ENOX1: variants seen among roughly 807,000 people sequenced by gnomAD.
The protein encoded by ENOX1 is ecto-NOX disulfide-thiol exchanger 1.
ENOX1 carries 42 observed loss-of-function variants against 82.5 expected under a neutral mutation model. That is an observed-to-expected ratio of 0.51 (90% CI 0.40 to 0.66). The LOEUF (loss-of-function observed/expected upper bound fraction) is 0.66. Among genes scored for constraint, ENOX1 ranks in the 30% least tolerant of loss-of-function variants. The pLI is 0.00. For missense variants in ENOX1, 608 were observed against 811.6 expected, an observed-to-expected ratio of 0.75 and a Z score of 3.05; for synonymous variants, 271 against 282.2, an observed-to-expected ratio of 0.96 and a Z score of 0.40.
intron 5 of ENOX1, among the ~76,000 whole-genome samples, chr13:43,403,512 T>C (rs2053614533): frequency 6.6e-6 from 1 of 152,210 alleles, no homozygotes; most frequent in Admixed American, 6.5e-5. Flanking sequence ...CAAATCTTTT[T>C]TGGAAACAGA....
intron 2 of ENOX1, among the ~76,000 whole-genome samples, chr13:43,652,517 C>T (rs555032917): frequency 1.5e-4 from 23 of 152,160 alleles, no homozygotes; most frequent in South Asian, 4.1e-4. Flanking sequence ...TTTCACAAGA[C>T]GAAATAACTT....
chr13:43,480,058 C>T (rs1482466215), intron 3 of ENOX1, among the ~76,000 whole-genome samples: 1 of 151,814 alleles, frequency 6.6e-6, no homozygotes, highest in Non-Finnish European at 1.5e-5. Flanking sequence ...GCCATAGCCT[C>T]CTGAAGTAGC....
At position 43,424,722 on chromosome 13, in the gene ENOX1, A is replaced by G. The variant is rs547173491; in HGVS notation, c.-74-11734T>C. On this transcript the variant is annotated intron_variant, in intron 3 of 16. Coordinates refer to ENST00000690772, the MANE Select transcript of ENOX1 (RefSeq NM_001347969.2). ...TTTATCTTTCTCTAAATGACCACCC[A>G]TAGCCCTTGCTCATGCTCTGTAACC... Among the ~76,000 whole-genome samples the G allele has an allele frequency of 2.6e-5, 4 of 152,284 alleles. No homozygotes were observed. In the South Asian group the frequency reaches 8.3e-4, roughly 32 times the overall value.
chr13:43,337,738 T>C (rs1280704223), intron 9 of ENOX1, among the ~76,000 whole-genome samples: 1 of 151,936 alleles, frequency 6.6e-6, no homozygotes, highest in African/African-American at 2.4e-5. Context: ...ATTTTCATTT[T>C]ACACACACAC....
chr13:43,635,186 A>ACAGAC (rs1457735218), intron 2 of ENOX1, among the ~76,000 whole-genome samples: 1 of 152,184 alleles, frequency 6.6e-6, no homozygotes, highest in Non-Finnish European at 1.5e-5. Context: ...ATAAAAGAGA[A>ACAGAC]CAGACTCCAA....
intron 2 of ENOX1, among the ~76,000 whole-genome samples, chr13:43,664,759 C>T (rs766084430): frequency 3.9e-5 from 6 of 152,128 alleles, no homozygotes; most frequent in Non-Finnish European, 5.9e-5. Flanking sequence ...AGTTATACAT[C>T]TATATTTGGT....
intron 14 of ENOX1, among the ~76,000 whole-genome samples, chr13:43,245,608 G>A (rs1013479784): frequency 6.6e-6 from 1 of 152,146 alleles, no homozygotes; most frequent in African/African-American, 2.4e-5. Context: ...CAATCCCAAG[G>A]CCTTGCTGAT....
chr13:43,668,260 C>T (rs536350395), intron 1 of ENOX1, among the ~76,000 whole-genome samples: 12 of 152,276 alleles, frequency 7.9e-5, no homozygotes, highest in African/African-American at 2.6e-4. Context: ...TAACAAGATC[C>T]TCAGATAATC....
intron 1 of ENOX1, among the ~76,000 whole-genome samples, chr13:43,755,251 A>G (rs1352328684): frequency 6.6e-6 from 1 of 152,222 alleles, no homozygotes; most frequent in Non-Finnish European, 1.5e-5. Context: ...TCACTGTCAG[A>G]ACCATCATCT....
chr13:43,503,243 C>T (rs2077042327), intron 2 of ENOX1, among the ~76,000 whole-genome samples: 1 of 151,562 alleles, frequency 6.6e-6, no homozygotes, highest in African/African-American at 2.4e-5. Flanking sequence ...ATCCCATGTT[C>T]ATGGAAAGAC....
At chr13:43,752,219 T>C (rs1950362036) in intron 1 of ENOX1, among the ~76,000 whole-genome samples, 1 of 152,212 alleles carries the variant, frequency 6.6e-6, no homozygotes, top group Non-Finnish European at 1.5e-5. Flanking sequence ...TTCCCCATTT[T>C]TCAGTAGGTT....
At chr13:43,235,417 T>G (rs2042488710) in intron 15 of ENOX1, among the ~76,000 whole-genome samples, 1 of 152,134 alleles carries the variant, frequency 6.6e-6, no homozygotes, top group Non-Finnish European at 1.5e-5. Flanking sequence ...CATTTTTAGG[T>G]GAGCACATGC....
intron 11 of ENOX1, among the ~76,000 whole-genome samples, chr13:43,307,975 C>T (rs966440132): frequency 6.6e-6 from 1 of 152,212 alleles, no homozygotes; most frequent in Admixed American, 6.5e-5. Flanking sequence ...GCTTACCACA[C>T]CAGTCTCTAG....
intron 8 of ENOX1, among the ~76,000 whole-genome samples, chr13:43,347,299 A>AG (rs1180931271): frequency 6.6e-6 from 1 of 152,236 alleles, no homozygotes; most frequent in East Asian, 1.9e-4. Flanking sequence ...AAAAGTAAGT[A>AG]GCCAAGAGAT....
At chr13:43,601,165 A>G (rs1358305398) in intron 2 of ENOX1, among the ~76,000 whole-genome samples, 1 of 152,166 alleles carries the variant, frequency 6.6e-6, no homozygotes, top group Non-Finnish European at 1.5e-5. Flanking sequence ...CCAGAAAAAC[A>G]TGACCTCACC....
At chr13:43,778,617 A>G (rs1952063847) in intron 1 of ENOX1, among the ~76,000 whole-genome samples, 1 of 152,184 alleles carries the variant, frequency 6.6e-6, no homozygotes, top group African/African-American at 2.4e-5. Flanking sequence ...ATCTCTCTTC[A>G]GCTCTCCTTC....
intron 12 of ENOX1, among the ~76,000 whole-genome samples, chr13:43,275,945 A>G (rs565026177): frequency 7.9e-5 from 12 of 152,304 alleles, no homozygotes; most frequent in Middle Eastern, 3.4e-3. Flanking sequence ...AGCTCAGGGG[A>G]TCCATCTTGA....
At chr13:43,506,256 C>G (rs994905215) in intron 2 of ENOX1, among the ~76,000 whole-genome samples, 31 of 151,902 alleles carry the variant, frequency 2.0e-4, no homozygotes, top group African/African-American at 7.0e-4. Flanking sequence ...TACTGGCCAT[C>G]AGAGAAATGC....
At chr13:43,356,412 G>C (rs1192287183) in intron 7 of ENOX1, among the ~76,000 whole-genome samples, 1 of 152,178 alleles carries the variant, frequency 6.6e-6, no homozygotes. Context: ...TTCCAAACCA[G>C]TATCCCCAAG....
Sources: allele counts gnomAD v4.1 joint callset (sites outside exome capture counted in the v4.1 genomes callset), GRCh38; gene constraint gnomAD v4.1.1; transcripts MANE v1.5; gene names NCBI Gene and HGNC (gene_info 2026-07-23, HGNC 2026-07-21).